The following UBE3C variants were observed in gnomAD, a reference collection of about 807,000 sequenced individuals.
UBE3C encodes the protein ubiquitin-protein ligase E3C.
UBE3C carries 42 observed loss-of-function variants against 129.4 expected under a neutral mutation model. That is an observed-to-expected ratio of 0.32 (90% CI 0.25 to 0.42). UBE3C has a LOEUF of 0.42. UBE3C is among the 10% of genes least tolerant of loss of function. The pLI is 1.00. For synonymous variants in UBE3C, 510 were observed against 492.4 expected (o/e 1.04, Z -0.47); for missense variants, 1,049 against 1,319.1 (o/e 0.80, Z 3.17).
At chr7:157,167,859 C>T (rs1381080387) in intron 2 of UBE3C, among the ~76,000 whole-genome samples, 1 of 152,054 alleles carries the variant, frequency 6.6e-6, no homozygotes, top group Non-Finnish European at 1.5e-5. Context: ...ATAGGGCTGG[C>T]ACATAGTAGT....
At chr7:157,255,244 T>A (rs1399426945) in intron 21 of UBE3C, among the ~76,000 whole-genome samples, 2 of 152,204 alleles carry the variant, frequency 1.3e-5, no homozygotes, top group Non-Finnish European at 2.9e-5. Flanking sequence ...GCATCATTAG[T>A]CATTATAGAA....
At position 157,170,353 on chromosome 7, in the gene UBE3C, C is replaced by G. The variant is rs200589933; in HGVS notation, c.245C>G (p.Ser82Cys). 21 of 1,577,804 alleles carry G rather than the reference C, an allele frequency of 1.3e-5. No homozygotes were observed. In the African/African-American group the frequency reaches 2.3e-4, roughly 18 times the overall value. ...AFDRCATLSQ[S>C]GGAFPIANGP... ...GATCGCTGTGCTACCTTGTCACAGT[C>G]CGGGGGCGCTTTTCCCATTGCTAAT... is the stretch of plus-strand genomic sequence containing the variant. The change falls in exon 4 of 23, where the codon TCC becomes TGC. Residue 82 changes from serine (S) to cysteine (C), a missense_variant. Transcript: ENST00000348165.
chr7:157,266,854 C>T (rs1797091068), intron 22 of UBE3C, among the ~76,000 whole-genome samples: 2 of 152,138 alleles, frequency 1.3e-5, no homozygotes, highest in South Asian at 4.2e-4. Context: ...TTCACCTCAG[C>T]CTCCCAAGTA....
In UBE3C at chr7:157,181,965, A is replaced by G; in HGVS notation, c.771-143A>G. 3.4e-6 allele frequency: 3 copies of G among 892,180 alleles called. No homozygotes were observed. The South Asian group carries it at 5.9e-5, about 18-fold the overall frequency. The allele number at this position is 892,180 out of a possible 1,614,324, so 55.3% of individuals were successfully genotyped here. A position where few individuals can be genotyped will look rare whatever the true frequency, so the allele number is the denominator to read the frequency against. Reference sequence around the variant, plus strand: ...CATTAAGTTTACTTTAGGTTGATCTAGTTGATATTAAAATGGTTAACTTGG... The same window carrying G: ...CATTAAGTTTACTTTAGGTTGATCTGGTTGATATTAAAATGGTTAACTTGG... On this transcript the variant is annotated intron_variant, in intron 7 of 22. Transcript: ENST00000348165.
At chr7:157,203,900 G>A (rs1442666748) in intron 11 of UBE3C, among the ~76,000 whole-genome samples, 3 of 152,178 alleles carry the variant, frequency 2.0e-5, no homozygotes. Flanking sequence ...CCAGCTTACT[G>A]AGGCCTCACA....
chr7:157,139,261 T>TA lies in UBE3C; in HGVS notation c.-11dup. ...GCGGCGGCGCTGCCCGCACATGGGC[T>TA]AGGCTGCCAGGATGTTCAGCTTCGA... On this transcript the variant is annotated 5_prime_UTR_variant, in exon 1 of 23. It removes the in-frame stop codon of an upstream open reading frame in the 5' UTR. Transcript: ENST00000348165. 1 of 1,559,670 alleles carries TA rather than the reference T, an allele frequency of 6.4e-7. No individual in the cohort carries two copies. The highest frequency in any genetic ancestry group is 8.6e-7 in the Non-Finnish European group (1 of 1,160,066).
chr7:157,151,076 T>C (rs768296519), intron 1 of UBE3C, among the ~76,000 whole-genome samples: 2 of 152,190 alleles, frequency 1.3e-5, no homozygotes, highest in African/African-American at 2.4e-5. Flanking sequence ...GTGGTGACTT[T>C]GGTCATGGTG....
In UBE3C at chr7:157,239,982, C is replaced by T. The variant is rs12669987; in HGVS notation, c.2482-8386C>T. Among the ~76,000 whole-genome samples, 2,116 of 152,162 alleles carry T rather than the reference C, an allele frequency of 0.014. 115 individuals carry two copies. The East Asian group carries it at 0.16, about 11-fold the overall frequency. Reference sequence around the variant, plus strand: ...CCCAGACCAGCCACATCTGCATCACCGGGGGATCTATTAAAAATGCAAATT... The same window carrying T: ...CCCAGACCAGCCACATCTGCATCACTGGGGGATCTATTAAAAATGCAAATT... On this transcript the variant is annotated intron_variant, in intron 18 of 22. Coordinates refer to ENST00000348165, the MANE Select transcript of UBE3C (RefSeq NM_014671.3).
At chr7:157,167,723 A>T (rs1808256641) in intron 2 of UBE3C, among the ~76,000 whole-genome samples, 1 of 151,834 alleles carries the variant, frequency 6.6e-6, no homozygotes, top group Non-Finnish European at 1.5e-5. Context: ...TTTTTAGAAG[A>T]GGTATGGTTT....
At chr7:157,246,108 C>T (rs1429005586) in intron 18 of UBE3C, among the ~76,000 whole-genome samples, 1 of 151,964 alleles carries the variant, frequency 6.6e-6, no homozygotes, top group Non-Finnish European at 1.5e-5. Flanking sequence ...GCTATTTTCT[C>T]ATTTTCTCCA....
At position 157,248,521 on chromosome 7, in the gene UBE3C, G is replaced by A. The variant is rs141183982; in HGVS notation, c.2635G>A (p.Asp879Asn). The A allele has an allele frequency of 6.2e-6, 10 of 1,612,968 alleles. No homozygotes were observed. Among genetic ancestry groups the A allele is most frequent in the East Asian group, 4.5e-5 (2 of 44,894 alleles). The change falls in exon 19 of 23, where the codon GAT becomes AAT. Residue 879 changes from aspartate to asparagine, a missense_variant. This residue lies in a region of UBE3C where 243 missense variants were observed against 368.7 expected (regional missense o/e 0.66). Transcript: ENST00000348165. Reference protein sequence around the residue: ...NLLFLKSYEDDVEELGLNFTV... With the variant: ...NLLFLKSYEDNVEELGLNFTV... ...GCTCTTTCTGAAGAGCTACGAAGAC[G>A]ATGTGGAGGAGCTTGGGCTGAACTT...
intron 4 of UBE3C, among the ~76,000 whole-genome samples, chr7:157,172,364 T>C (rs1563039505): frequency 1.3e-5 from 2 of 152,130 alleles, no homozygotes; most frequent in African/African-American, 4.8e-5. Context: ...TTTTGGAAAT[T>C]TTTGTTTATC....
At chr7:157,266,313 CAAAAA>C (rs924411849) in intron 22 of UBE3C, among the ~76,000 whole-genome samples, 1 of 150,968 alleles carries the variant, frequency 6.6e-6, no homozygotes, top group African/African-American at 2.4e-5. Context: ...GACTCCGTCT[CAAAAA>C]AATAAATAAA....
At chr7:157,261,619 T>C (rs140124747) in intron 22 of UBE3C, among the ~76,000 whole-genome samples, 7 of 152,348 alleles carry the variant, frequency 4.6e-5, no homozygotes, top group South Asian at 2.1e-4. Flanking sequence ...GCAGAATTAA[T>C]GTAGACTTAA....
Position 157,254,117 on chromosome 7 carries a change from G to A in UBE3C, c.2858G>A (p.Arg953Gln), listed in dbSNP as rs1240859041. Residue 953 changes from arginine to glutamine, a missense_variant, in exon 20 of 23, where the codon CGA becomes CAA. Physicochemically the swap from Arg to Gln is conservative, Grantham distance 43. Coordinates refer to ENST00000348165, the MANE Select transcript of UBE3C (RefSeq NM_014671.3). Reference sequence around the variant, plus strand: ...AATGTCGTCAGCCTCGAGTGGCTCCGAATGTTTGATCAGCAAGAAATTCAG... The same window carrying A: ...AATGTCGTCAGCCTCGAGTGGCTCCAAATGTTTGATCAGCAAGAAATTCAG... ...LANVVSLEWL[R>Q]MFDQQEIQVL... The A allele has an allele frequency of 6.8e-6, 11 of 1,610,926 alleles. No individual in the cohort carries two copies. The highest frequency in any genetic ancestry group is 7.6e-6 in the Non-Finnish European group (9 of 1,178,556).
rs2301913 is a variant in UBE3C at position 157,207,573 on chromosome 7, C to T, written c.1576+18C>T. ...CATAGAAGGTAAGGATTTTGAGAAA[C>T]CAGTTTGCTGCTGGCCACTTGGCCC... On this transcript the variant is annotated intron_variant, in intron 12 of 22. Coordinates refer to ENST00000348165, the MANE Select transcript of UBE3C (RefSeq NM_014671.3). The T allele has an allele frequency of 9.4e-4, 1,516 of 1,605,252 alleles. 23 individuals are homozygous for T. In the East Asian group the frequency reaches 0.028, roughly 30 times the overall value.
At position 157,253,970 on chromosome 7, in the gene UBE3C, T is replaced by C; in HGVS notation, c.2711T>C (p.Phe904Ser). 2 of 1,586,860 alleles carry C rather than the reference T, an allele frequency of 1.3e-6. No homozygotes were observed. Among genetic ancestry groups the C allele is most frequent in the Non-Finnish European group, 8.6e-7 (1 of 1,163,672 alleles). ...TATTCCCAGGTAGTTGAACTAAAAT[T>C]CGGTGGGAAAGACATCCCTGTCACC... ...LGEAQVVELK[F>S]GGKDIPVTSA... The change falls in exon 20 of 23, where the codon TTC becomes TCC. Residue 904 changes from phenylalanine to serine, a missense_variant. Coordinates refer to ENST00000348165, the MANE Select transcript of UBE3C (RefSeq NM_014671.3).
intron 1 of UBE3C, among the ~76,000 whole-genome samples, chr7:157,139,803 C>T (rs1007855257): frequency 3.9e-5 from 6 of 152,224 alleles, no homozygotes; most frequent in Non-Finnish European, 8.8e-5. Context: ...GGAGTGGCTG[C>T]TTTTCGAATG....
At chr7:157,249,030 GA>G in intron 19 of UBE3C, among the ~76,000 whole-genome samples, 1 of 152,066 alleles carries the variant, frequency 6.6e-6, no homozygotes, top group East Asian at 1.9e-4. Flanking sequence ...TTTTAAAAAA[GA>G]AAAAAGAAAG....
Sources: gnomAD v4.1 joint callset for allele counts (sites outside exome capture counted in the v4.1 genomes callset) on GRCh38, gnomAD v4.1.1 for gene constraint, gnomAD v4.1.1 regional missense constraint, MANE v1.5 for transcripts, NCBI Gene and HGNC (gene_info 2026-07-23, HGNC 2026-07-21) for gene names.